Variants in CLSTN2 observed in about 807,000 individuals in gnomAD.
The protein encoded by CLSTN2 is calsyntenin-2.
A neutral mutation model predicts 101.2 loss-of-function variants in CLSTN2; 48 were observed. The ratio of observed to expected loss-of-function variants is 0.47; its 90% CI spans 0.38 to 0.60. CLSTN2 has a LOEUF of 0.60. Ranked by LOEUF, CLSTN2 falls within the 20% of genes least tolerant of loss-of-function variation. CLSTN2 has a pLI of 0.00. For synonymous variants in CLSTN2, 481 were observed against 463.6 expected (o/e 1.04, Z -0.48); for missense variants, 1,160 against 1,238.2 (o/e 0.94, Z 0.95).
At chr3:140,153,830 G>A (rs1273423448) in intron 1 of CLSTN2, among the ~76,000 whole-genome samples, 1 of 152,216 alleles carries the variant, frequency 6.6e-6, no homozygotes, top group Admixed American at 6.5e-5. Flanking sequence ...ACTGGTGGGA[G>A]TGGAGCTTCC....
chr3:140,178,850 G>A (rs1009583240), intron 2 of CLSTN2, among the ~76,000 whole-genome samples: 1 of 152,148 alleles, frequency 6.6e-6, no homozygotes. Flanking sequence ...AGCTGCTTTT[G>A]TATTGTGTGT....
chr3:140,511,624 A>C (rs1339975692), intron 8 of CLSTN2, among the ~76,000 whole-genome samples: 1 of 135,262 alleles, frequency 7.4e-6, no homozygotes, highest in African/African-American at 2.9e-5. Context: ...ATCTCAGCTC[A>C]CTGCAAGCTC....
intron 2 of CLSTN2, among the ~76,000 whole-genome samples, chr3:140,212,751 G>A (rs1280914595): frequency 6.6e-6 from 1 of 152,098 alleles, no homozygotes; most frequent in Non-Finnish European, 1.5e-5. Flanking sequence ...GTTCACTCTA[G>A]ATCTTGCCAC....
At chr3:140,329,318 G>A (rs547883392) in intron 2 of CLSTN2, among the ~76,000 whole-genome samples, 2 of 152,362 alleles carry the variant, frequency 1.3e-5, no homozygotes, top group African/African-American at 4.8e-5. Flanking sequence ...GCCTGAACCT[G>A]GAGGTTGCAG....
intron 2 of CLSTN2, among the ~76,000 whole-genome samples, chr3:140,403,205 CAT>C (rs1455022882): frequency 3.3e-5 from 5 of 152,190 alleles, no homozygotes; most frequent in African/African-American, 4.8e-5. Context: ...CTGGAACTCA[CAT>C]AGACTCACGC....
intron 8 of CLSTN2, among the ~76,000 whole-genome samples, chr3:140,515,319 T>C (rs1416251501): frequency 6.6e-6 from 1 of 152,066 alleles, no homozygotes; most frequent in Non-Finnish European, 1.5e-5. Context: ...CAGCTTTTGG[T>C]TTAATTAGTC....
intron 1 of CLSTN2, among the ~76,000 whole-genome samples, chr3:139,986,947 T>G (rs1576387497): frequency 6.6e-6 from 1 of 152,294 alleles, no homozygotes; most frequent in East Asian, 1.9e-4. Flanking sequence ...AAGATACTTC[T>G]TAATCATCCT....
At position 140,563,951 on chromosome 3, in the gene CLSTN2, C is replaced by A. The variant is rs1438293528; in HGVS notation, c.2483-10C>A. The A allele has an allele frequency of 6.2e-7, 1 of 1,611,900 alleles. No homozygotes were observed. The highest frequency in any genetic ancestry group is 2.2e-5 in the East Asian group (1 of 44,846). On this transcript the variant is annotated splice_polypyrimidine_tract_variant and intron_variant, in intron 15 of 16. Transcript: ENST00000458420. ...TTCACCATGTCATGCGAGTTTTTTC[C>A]TTGTTCCAGTGGTCCCAAGCATTGC...
At chr3:140,044,090 A>G (rs1164235561) in intron 1 of CLSTN2, among the ~76,000 whole-genome samples, 4 of 152,098 alleles carry the variant, frequency 2.6e-5, no homozygotes, top group African/African-American at 9.7e-5. Flanking sequence ...CTTGATGGGG[A>G]TGGCATTGAA....
At chr3:140,542,152 T>G (rs1305965533) in intron 9 of CLSTN2, among the ~76,000 whole-genome samples, 5 of 152,254 alleles carry the variant, frequency 3.3e-5, no homozygotes, top group African/African-American at 7.2e-5. Context: ...TCTTACCTGT[T>G]GGACACATTG....
chr3:140,264,003 C>A (rs2086674818), intron 2 of CLSTN2, among the ~76,000 whole-genome samples: 1 of 152,120 alleles, frequency 6.6e-6, no homozygotes, highest in Admixed American at 6.5e-5. Flanking sequence ...CTCTCACTAT[C>A]AAACTTGGGT....
chr3:140,027,181 T>C (rs974630564), intron 1 of CLSTN2, among the ~76,000 whole-genome samples: 3 of 152,246 alleles, frequency 2.0e-5, no homozygotes, highest in African/African-American at 7.2e-5. Context: ...GGCTTTGCTT[T>C]AGATACTGCA....
At chr3:140,052,207 G>A (rs2008010177) in intron 1 of CLSTN2, among the ~76,000 whole-genome samples, 1 of 152,116 alleles carries the variant, frequency 6.6e-6, no homozygotes, top group Non-Finnish European at 1.5e-5. Flanking sequence ...CGCCCAGGCT[G>A]GAGTGTAATG....
chr3:140,166,682 C>T (rs766091938), intron 1 of CLSTN2, among the ~76,000 whole-genome samples: 2 of 152,164 alleles, frequency 1.3e-5, no homozygotes, highest in Non-Finnish European at 2.9e-5. Context: ...TAGTTAAAGG[C>T]ACATTGGGTG....
intron 1 of CLSTN2, among the ~76,000 whole-genome samples, chr3:139,989,627 G>A (rs970167055): frequency 2.0e-5 from 3 of 152,138 alleles, no homozygotes; most frequent in African/African-American, 7.2e-5. Context: ...GGATTTCTGA[G>A]CTCTAAAATA....
At chr3:140,429,993 C>CTGGTCACCTTGCCCCTTCCAAAAGTCAGA (rs2088611401) in intron 5 of CLSTN2, among the ~76,000 whole-genome samples, 1 of 152,180 alleles carries the variant, frequency 6.6e-6, no homozygotes, top group Admixed American at 6.5e-5. Flanking sequence ...CAGGGGTCAG[C>CTGGTCACCTTGCCCCTTCCAAAAGTCAGA]TGGTCACCTT....
chr3:140,427,215 ATATATATATGTGTGTATAT>A lies in CLSTN2; in HGVS notation c.787+5942_787+5960del. ...TATATATATATATATGTGTATATAT[ATATATATATGTGTGTATAT>A]ATATATATATACATATATATATACA... On this transcript the variant is annotated intron_variant, in intron 5 of 16. Coordinates refer to ENST00000458420, the MANE Select transcript of CLSTN2 (RefSeq NM_022131.3). Among the ~76,000 whole-genome samples the A allele has an allele frequency of 3.9e-5, 3 of 77,026 alleles. No individual in the cohort carries two copies. The East Asian group carries it at 2.9e-3, about 76-fold the overall frequency. The allele number at this position is 77,026 out of a possible 152,430, so 50.5% of individuals were successfully genotyped here.
intron 1 of CLSTN2, among the ~76,000 whole-genome samples, chr3:140,162,835 G>A (rs2107820830): frequency 6.6e-6 from 1 of 152,210 alleles, no homozygotes; most frequent in Non-Finnish European, 1.5e-5. Flanking sequence ...CCATCGTTCT[G>A]GACATCTTAG....
At chr3:140,303,299 G>A (rs555921035) in intron 2 of CLSTN2, among the ~76,000 whole-genome samples, 1 of 152,336 alleles carries the variant, frequency 6.6e-6, no homozygotes, top group African/African-American at 2.4e-5. Flanking sequence ...TCAGGGACAT[G>A]CATCATCTTT....
Sources: gnomAD v4.1 joint callset for allele counts (sites outside exome capture counted in the v4.1 genomes callset) on GRCh38, gnomAD v4.1.1 for gene constraint, MANE v1.5 for transcripts, NCBI Gene and HGNC (gene_info 2026-07-23, HGNC 2026-07-21) for gene names.